RICTOR: variants seen among roughly 807,000 people sequenced by gnomAD.
RICTOR encodes rapamycin-insensitive companion of mTOR.
In RICTOR, 49 loss-of-function variants were observed where a neutral mutation model predicts 214.9. The ratio of observed to expected loss-of-function variants is 0.23; its 90% CI spans 0.18 to 0.29. RICTOR has a LOEUF of 0.29. Ranked by LOEUF, RICTOR falls within the 10% of genes least tolerant of loss-of-function variation. The pLI, the probability that RICTOR is intolerant of heterozygous loss-of-function variation, is 1.00. For missense variants in RICTOR, 1,625 were observed against 2,047.0 expected, an observed-to-expected ratio of 0.79 and a Z score of 3.98; for synonymous variants, 717 against 711.3, an observed-to-expected ratio of 1.01 and a Z score of -0.13.
Position 38,978,640 on chromosome 5 carries a change from G to A in RICTOR, c.764C>T (p.Ala255Val), listed in dbSNP as rs2150055186. The change falls in exon 9 of 38, where the codon GCA becomes GTA. Residue 255 changes from alanine (A) to valine (V), a missense_variant. Ala to Val is a moderately conservative substitution (Grantham distance 64, BLOSUM62 0). This residue lies in a region of RICTOR where 258 missense variants were observed against 393.7 expected (regional missense o/e 0.66). Coordinates refer to ENST00000357387, the MANE Select transcript of RICTOR (RefSeq NM_152756.5). ...RADVELERIL[A>V]PYTDFHYRHS... ...TCTGTAGTGAAAATCAGTATAGGGT[G>A]CTAAAATTCTCTATTTAAAAAAAAA... 1 of 1,526,812 alleles carries A rather than the reference G, an allele frequency of 6.5e-7. No individual in the cohort carries two copies. Among genetic ancestry groups the A allele is most frequent in the Non-Finnish European group, 9.0e-7 (1 of 1,113,860 alleles). 94.6% of individuals were successfully genotyped at this position (1,526,812 alleles called of 1,614,324 possible).
At chr5:38,943,966 T>C (rs1218615697) in intron 36 of RICTOR, among the ~76,000 whole-genome samples, 1 of 152,170 alleles carries the variant, frequency 6.6e-6, no homozygotes, top group Non-Finnish European at 1.5e-5. Flanking sequence ...AACTTTTTGG[T>C]CTCAGGACTT....
chr5:38,969,001 C>T (rs1443432190), intron 11 of RICTOR, among the ~76,000 whole-genome samples: 5 of 128,380 alleles, frequency 3.9e-5, no homozygotes, highest in African/African-American at 1.2e-4. Context: ...GAGGCAGTCT[C>T]GCTCATCTCC....
chr5:38,944,464 T>C lies in RICTOR; in HGVS notation c.4895A>G (p.His1632Arg). Residue 1632 changes from histidine (H) to arginine (R), a missense_variant, in exon 36 of 38, where the codon CAT (histidine) becomes CGT (arginine). By Grantham distance (29) the His-to-Arg change is conservative (BLOSUM62 0). This residue lies in a region of RICTOR where 44 missense variants were observed against 90.1 expected (regional missense o/e 0.49). Transcript: ENST00000357387. ...TACTCACGTTAAAAGCCCAGTCTCA[T>C]GACATTTAGTTGAAACTGAACTACT... ...NLSSSVSTKC[H>R]ETGLLTIKEK... The C allele has an allele frequency of 1.2e-6, 2 of 1,608,820 alleles. No homozygotes were observed. The highest frequency in any genetic ancestry group is 1.7e-6 in the Non-Finnish European group (2 of 1,178,274).
rs1163486232 is a variant in RICTOR at position 38,939,982 on chromosome 5, T to C, written c.*2322A>G. Reference sequence around the variant, plus strand: ...TGTATTAGACCTGTCAGTGAAATCATGGAGAAACCAAATAGCACTATAAAT... The same window carrying C: ...TGTATTAGACCTGTCAGTGAAATCACGGAGAAACCAAATAGCACTATAAAT... On this transcript the variant is annotated 3_prime_UTR_variant, in exon 38 of 38. Transcript: ENST00000357387. 4.4e-6 allele frequency: 1 copy of C among 228,414 alleles called. No homozygotes were observed. The highest frequency in any genetic ancestry group is 8.7e-6 in the Non-Finnish European group (1 of 115,366). 14.1% of individuals were successfully genotyped at this position (228,414 alleles called of 1,614,324 possible).
At chr5:39,006,097 A>G (rs1262526405) in intron 3 of RICTOR, among the ~76,000 whole-genome samples, 1 of 152,112 alleles carries the variant, frequency 6.6e-6, no homozygotes, top group Non-Finnish European at 1.5e-5. Flanking sequence ...CGGCAACAGT[A>G]TTTCTGGGCC....
At chr5:39,058,405 A>G (rs529069462) in intron 2 of RICTOR, among the ~76,000 whole-genome samples, 7 of 152,104 alleles carry the variant, frequency 4.6e-5, no homozygotes, top group Non-Finnish European at 5.9e-5. Flanking sequence ...GAGATAGGTT[A>G]TAAGTATCAA....
chr5:39,008,994 GA>G lies in RICTOR; in HGVS notation c.196-5373del, dbSNP rs560212379. ...ACAAAATATTGTGCTTTCAAACTGGGAAAAAATGTTACTTTCTTAAATTATA... is the reference window on the plus strand; with the variant it reads ...ACAAAATATTGTGCTTTCAAACTGGGAAAAATGTTACTTTCTTAAATTATA... On this transcript the variant is annotated intron_variant, in intron 3 of 37. Transcript: ENST00000357387. 4.5e-3 allele frequency among the ~76,000 whole-genome samples: 682 copies of G among 152,008 alleles called. 5 individuals carry two copies. Among genetic ancestry groups the G allele is most frequent in the Non-Finnish European group, 5.2e-3 (355 of 67,886 alleles).
intron 5 of RICTOR, among the ~76,000 whole-genome samples, chr5:39,001,069 C>T (rs1307871615): frequency 6.6e-6 from 1 of 151,980 alleles, no homozygotes; most frequent in African/African-American, 2.4e-5. Flanking sequence ...CTGCTAAAAT[C>T]CCAGCAAGTT....
chr5:38,981,027 T>A (rs565250451), intron 8 of RICTOR: 1 of 152,348 alleles, frequency 6.6e-6, no homozygotes, highest in Admixed American at 6.5e-5. Context: ...TTGAAATCAC[T>A]TATTAGGACT....
rs1753216852 is a variant in RICTOR at position 38,996,872 on chromosome 5, T to C, written c.403A>G (p.Ile135Val). 6.2e-6 allele frequency: 10 copies of C among 1,607,836 alleles called. No homozygotes were observed. Among genetic ancestry groups the C allele is most frequent in the Non-Finnish European group, 8.5e-6 (10 of 1,174,628 alleles). The change falls in exon 6 of 38, where the codon ATA becomes GTA. Residue 135 changes from isoleucine (I) to valine (V), a missense_variant. By Grantham distance (29) the Ile-to-Val change is conservative (BLOSUM62 3). This residue lies in a region of RICTOR where 258 missense variants were observed against 393.7 expected (regional missense o/e 0.66). Transcript: ENST00000357387. ...CTCTCTACCTCGTTGCTCTGTTGTA[T>C]GTCAATGCACCTAAACAATACACAA... ...VDYLIARCID[I>V]QQSNEVERTQ...
chr5:38,968,865 G>C (rs1466566414), intron 11 of RICTOR, among the ~76,000 whole-genome samples: 1 of 151,718 alleles, frequency 6.6e-6, no homozygotes, highest in East Asian at 1.9e-4. Context: ...ACTGCCCCTG[G>C]AGACATTCCA....
intron 3 of RICTOR, among the ~76,000 whole-genome samples, chr5:39,019,619 A>T (rs2150133769): frequency 6.6e-6 from 1 of 152,238 alleles, no homozygotes; most frequent in South Asian, 2.1e-4. Flanking sequence ...AAAAAAAAGG[A>T]TTTCTTTCAA....
rs1158814225 is a variant in RICTOR, at chr5:38,945,135, T to A, written c.4634-67A>T. On this transcript the variant is annotated intron_variant, in intron 34 of 37. Coordinates refer to ENST00000357387, the MANE Select transcript of RICTOR (RefSeq NM_152756.5). ...GCTTAATTCCTGTGCTTACATTGCA[T>A]GCTAAAAAGAAATAATATAAAATAA... is the stretch of plus-strand genomic sequence containing the variant. The A allele has an allele frequency of 2.8e-6, 3 of 1,090,256 alleles. No individual in the cohort carries two copies. In the African/African-American group the frequency reaches 4.8e-5, roughly 18 times the overall value. The allele number at this position is 1,090,256 out of a possible 1,614,324, so 67.5% of individuals were successfully genotyped here.
intron 7 of RICTOR, among the ~76,000 whole-genome samples, chr5:38,990,648 G>C (rs1245466150): frequency 0.01 from 493 of 47,932 alleles, 76 homozygotes; most frequent in African/African-American, 0.033. Context: ...ACATATATCA[G>C]ATATATGATA....
chr5:38,946,251 G>A (rs1748175981), intron 33 of RICTOR, among the ~76,000 whole-genome samples: 1 of 152,130 alleles, frequency 6.6e-6, no homozygotes, highest in African/African-American at 2.4e-5. Flanking sequence ...TTCCTTGAAA[G>A]GTTGAGTACT....
chr5:39,055,417 T>TCC (rs34660388), intron 2 of RICTOR, among the ~76,000 whole-genome samples: 1,383 of 109,502 alleles, frequency 0.013, 20 homozygotes, highest in East Asian at 0.046. Flanking sequence ...CTCTGACAAT[T>TCC]CCCCCCCCCC....
rs1383069805 is a variant in RICTOR, at chr5:38,939,208, A to G, written c.*3096T>C. On this transcript the variant is annotated 3_prime_UTR_variant, in exon 38 of 38. Transcript: ENST00000357387. ...TAAATAGCAGTAGGAAAATGTAAAT[A>G]AGCATTGATATCCCACTGCTGAACA... 1 of 232,980 alleles carries G rather than the reference A, an allele frequency of 4.3e-6. No individual in the cohort carries two copies. Among genetic ancestry groups the G allele is most frequent in the Non-Finnish European group, 8.5e-6 (1 of 117,696 alleles). 14.4% of individuals were successfully genotyped at this position (232,980 alleles called of 1,614,324 possible).
intron 25 of RICTOR, among the ~76,000 whole-genome samples, chr5:38,955,996 A>T (rs1016856311): frequency 9.2e-5 from 14 of 151,996 alleles, no homozygotes; most frequent in Non-Finnish European, 1.8e-4. Context: ...CCTAATCTTG[A>T]ATCACTTTTT....
chr5:39,020,900 T>C (rs1755371424), intron 3 of RICTOR, 139 bp downstream of exon 3: 1 of 608,944 alleles, frequency 1.6e-6, no homozygotes, highest in Non-Finnish European at 3.0e-6. Context: ...CTGGACAAAA[T>C]CCATGAGAAG....
Sources: gnomAD v4.1 joint callset for allele counts (sites outside exome capture counted in the v4.1 genomes callset) on GRCh38, gnomAD v4.1.1 for gene constraint, gnomAD v4.1.1 regional missense constraint, MANE v1.5 for transcripts, NCBI Gene and HGNC (gene_info 2026-07-23, HGNC 2026-07-21) for gene names.